VWC2: variants seen among roughly 807,000 people sequenced by gnomAD.
VWC2 encodes the protein von Willebrand factor C domain containing 2, also known as brorin.
VWC2 carries 14 observed loss-of-function variants against 29.8 expected under a neutral mutation model. The observed-to-expected ratio is 0.47, with a 90% CI of 0.31 to 0.74. The LOEUF (loss-of-function observed/expected upper bound fraction) is 0.74, where lower values mean the gene tolerates loss of function less well. VWC2 is among the 30% of genes least tolerant of loss of function. VWC2 has a pLI of 0.05. For missense variants in VWC2, 457 were observed against 459.8 expected, an observed-to-expected ratio of 0.99 and a Z score of 0.05; for synonymous variants, 213 against 199.0, an observed-to-expected ratio of 1.07 and a Z score of -0.59.
At chr7:49,869,399 ATTTCAAACAAAGCAACGAT>A (rs1221009696) in intron 3 of VWC2, among the ~76,000 whole-genome samples, 1 of 152,204 alleles carries the variant, frequency 6.6e-6, no homozygotes, top group Admixed American at 6.5e-5. Context: ...AGGAAGGACT[ATTTCAAACAAAGCAACGAT>A]TTTAACAAAT....
intron 3 of VWC2, among the ~76,000 whole-genome samples, chr7:49,816,085 G>A (rs572275077): frequency 1.1e-4 from 17 of 152,076 alleles, no homozygotes; most frequent in African/African-American, 1.7e-4. Flanking sequence ...GGGTGGGAGC[G>A]GACCATATTT....
chr7:49,859,249 GTTC>G (rs1473080945), intron 3 of VWC2, among the ~76,000 whole-genome samples: 5 of 152,132 alleles, frequency 3.3e-5, no homozygotes, highest in African/African-American at 9.7e-5. Context: ...CATTTGGGGG[GTTC>G]TTCTTTTCAG....
intron 3 of VWC2, among the ~76,000 whole-genome samples, chr7:49,888,394 A>G (rs1791987479): frequency 1.3e-5 from 2 of 152,212 alleles, no homozygotes; most frequent in Non-Finnish European, 2.9e-5. Context: ...CAATTTAGGT[A>G]TGGTATAGAG....
At chr7:49,846,807 A>G (rs1789960147) in intron 3 of VWC2, among the ~76,000 whole-genome samples, 1 of 152,240 alleles carries the variant, frequency 6.6e-6, no homozygotes, top group African/African-American at 2.4e-5. Context: ...ATACATATGT[A>G]AATTTCCCCA....
chr7:49,831,205 G>A (rs1320617212), intron 3 of VWC2, among the ~76,000 whole-genome samples: 1 of 152,144 alleles, frequency 6.6e-6, no homozygotes, highest in Non-Finnish European at 1.5e-5. Flanking sequence ...TCTCCTAAGG[G>A]CTTATGGTGG....
chr7:49,882,339 C>A (rs993549618), intron 3 of VWC2, among the ~76,000 whole-genome samples: 6 of 152,124 alleles, frequency 3.9e-5, no homozygotes, highest in Non-Finnish European at 5.9e-5. Context: ...CAATAAAAAG[C>A]AAATTAGAAA....
intron 2 of VWC2, among the ~76,000 whole-genome samples, chr7:49,779,251 C>T (rs1788123553): frequency 1.3e-5 from 2 of 152,204 alleles, no homozygotes; most frequent in Non-Finnish European, 2.9e-5. Flanking sequence ...TTTCTCTACT[C>T]AGTTTTCTGC....
At chr7:49,778,908 TGGTACAGTCG>T (rs1175053557) in intron 2 of VWC2, among the ~76,000 whole-genome samples, 1 of 152,236 alleles carries the variant, frequency 6.6e-6, no homozygotes, top group Non-Finnish European at 1.5e-5. Flanking sequence ...ATGGAGATTG[TGGTACAGTCG>T]GGTCATGCCT....
At chr7:49,870,428 T>C (rs1791102117) in intron 3 of VWC2, among the ~76,000 whole-genome samples, 1 of 152,030 alleles carries the variant, frequency 6.6e-6, no homozygotes. Flanking sequence ...AAATTGTCTA[T>C]ATTATGATTG....
intron 2 of VWC2, among the ~76,000 whole-genome samples, chr7:49,792,774 C>T (rs1470846900): frequency 6.6e-6 from 1 of 152,216 alleles, no homozygotes; most frequent in Non-Finnish European, 1.5e-5. Flanking sequence ...AGTCACTGCA[C>T]AGCCTCCTCC....
chr7:49,884,486 G>C (rs1009271359), intron 3 of VWC2, among the ~76,000 whole-genome samples: 1 of 152,164 alleles, frequency 6.6e-6, no homozygotes, highest in Non-Finnish European at 1.5e-5. Flanking sequence ...AAGTCATCCT[G>C]ATGGATGAGG....
intron 3 of VWC2, among the ~76,000 whole-genome samples, chr7:49,873,857 G>T (rs566873344): frequency 3.5e-4 from 53 of 150,942 alleles, no homozygotes; most frequent in African/African-American, 1.3e-3. Context: ...CTACTACACA[G>T]CATTTATATT....
intron 3 of VWC2, among the ~76,000 whole-genome samples, chr7:49,848,482 G>T (rs899713928): frequency 3.9e-5 from 6 of 152,264 alleles, no homozygotes; most frequent in Non-Finnish European, 8.8e-5. Context: ...AGGGTCGGCT[G>T]TGGGCCATAG....
intron 2 of VWC2, among the ~76,000 whole-genome samples, chr7:49,783,825 G>A (rs886280633): frequency 1.3e-5 from 2 of 152,008 alleles, no homozygotes; most frequent in East Asian, 1.9e-4. Flanking sequence ...CGAGCTGGGA[G>A]GATCACTTGA....
Position 49,921,632 on chromosome 7 carries a change from A to G in VWC2, c.*9447A>G, listed in dbSNP as rs1794022223. On this transcript the variant is annotated 3_prime_UTR_variant, in exon 4 of 4. Transcript: ENST00000340652. ...AACACGTAGCCTAGAATAGATATTTATAAAGCACAAGATCTATGTAAAGTG... is the reference window on the plus strand; with the variant it reads ...AACACGTAGCCTAGAATAGATATTTGTAAAGCACAAGATCTATGTAAAGTG... The G allele has an allele frequency of 6.6e-6, 1 of 152,216 alleles. No individual in the cohort carries two copies. Among genetic ancestry groups the G allele is most frequent in the Non-Finnish European group, 1.5e-5 (1 of 68,042 alleles). 9.4% of individuals were successfully genotyped at this position (152,216 alleles called of 1,614,324 possible). A position where few individuals can be genotyped will look rare whatever the true frequency, so the allele number is the denominator to read the frequency against.
chr7:49,853,442 G>C (rs191559335), intron 3 of VWC2, among the ~76,000 whole-genome samples: 1 of 152,160 alleles, frequency 6.6e-6, no homozygotes, highest in Non-Finnish European at 1.5e-5. Context: ...GCTGGGCATC[G>C]GGGCATATTA....
At chr7:49,837,364 A>C (rs1454331187) in intron 3 of VWC2, among the ~76,000 whole-genome samples, 1 of 152,238 alleles carries the variant, frequency 6.6e-6, no homozygotes, top group Non-Finnish European at 1.5e-5. Flanking sequence ...ATTAAATGCA[A>C]GGAAACCAAT....
In VWC2 at chr7:49,888,851, C is replaced by A. The variant is rs1203671528; in HGVS notation, c.827-23183C>A. On this transcript the variant is annotated intron_variant, in intron 3 of 3. Transcript: ENST00000340652. Reference sequence around the variant, plus strand: ...GCTTGAACTCGGGAGGCGGAGGTTGCAGTGAGCTGAGATCGCACCATCACA... The same window carrying A: ...GCTTGAACTCGGGAGGCGGAGGTTGAAGTGAGCTGAGATCGCACCATCACA... Among the ~76,000 whole-genome samples the A allele has an allele frequency of 3.9e-5, 6 of 152,038 alleles. No individual in the cohort carries two copies. In the East Asian group the frequency reaches 1.2e-3, roughly 29 times the overall value.
At chr7:49,869,842 G>T (rs565106710) in intron 3 of VWC2, among the ~76,000 whole-genome samples, 2 of 152,014 alleles carry the variant, frequency 1.3e-5, no homozygotes, top group Non-Finnish European at 2.9e-5. Context: ...ATCCAAAACG[G>T]GAAGCTTACT....
Sources: allele counts gnomAD v4.1 joint callset (sites outside exome capture counted in the v4.1 genomes callset), GRCh38; gene constraint gnomAD v4.1.1; transcripts MANE v1.5; gene names NCBI Gene and HGNC (gene_info 2026-07-23, HGNC 2026-07-21).